The following TLE4 variants were observed in gnomAD, a reference collection of about 807,000 sequenced individuals.
The protein encoded by TLE4 is TLE family member 4, transcriptional corepressor, also known as transducin-like enhancer protein 4.
In TLE4, 8 loss-of-function variants were observed where a neutral mutation model predicts 92.8. That is an observed-to-expected ratio of 0.09 (90% CI 0.05 to 0.16). TLE4 has a LOEUF of 0.16. TLE4 is among the 10% of genes least tolerant of loss of function. The probability of loss-of-function intolerance (pLI) is 1.00; values close to 1 mark genes in which losing one functional copy is unlikely to be tolerated. For synonymous variants in TLE4, 371 were observed against 374.1 expected (o/e 0.99, Z 0.10); for missense variants, 675 against 997.6 (o/e 0.68, Z 4.36).
intron 4 of TLE4, among the ~76,000 whole-genome samples, chr9:79,587,719 T>C (rs567081556): frequency 4.6e-5 from 7 of 152,198 alleles, no homozygotes; most frequent in Non-Finnish European, 1.0e-4. Context: ...TGTTGCTTTT[T>C]TTGCAGTTGT....
intron 6 of TLE4, among the ~76,000 whole-genome samples, chr9:79,649,306 A>T (rs1479062904): frequency 6.6e-6 from 1 of 151,870 alleles, no homozygotes. Context: ...ACACACAACA[A>T]GGCAGTAGTT....
intron 8 of TLE4, among the ~76,000 whole-genome samples, chr9:79,662,727 C>T (rs147599372): frequency 3.0e-3 from 449 of 152,176 alleles, no homozygotes; most frequent in Admixed American, 6.7e-3. Flanking sequence ...TAAGGGGCCC[C>T]GGGTTCCTGT....
chr9:79,599,163 C>CGATGGG (rs2044894573), intron 4 of TLE4, among the ~76,000 whole-genome samples: 1 of 152,162 alleles, frequency 6.6e-6, no homozygotes, highest in African/African-American at 2.4e-5. Context: ...CATAACTTTC[C>CGATGGG]TAGGAATTGA....
chr9:79,641,917 AC>A (rs775866887), intron 6 of TLE4, among the ~76,000 whole-genome samples: 6 of 151,780 alleles, frequency 4.0e-5, no homozygotes, highest in Non-Finnish European at 7.4e-5. Flanking sequence ...TCATGAGTGT[AC>A]AGTGAAGTCT....
chr9:79,621,000 A>G (rs1038561758), intron 5 of TLE4, among the ~76,000 whole-genome samples: 1 of 152,200 alleles, frequency 6.6e-6, no homozygotes, highest in Non-Finnish European at 1.5e-5. Flanking sequence ...CCCATGACCC[A>G]GACACCTCCC....
intron 6 of TLE4, among the ~76,000 whole-genome samples, chr9:79,640,721 C>T (rs1355400976): frequency 1.3e-5 from 2 of 152,094 alleles, no homozygotes; most frequent in Admixed American, 6.6e-5. Context: ...CTGAAGTTAT[C>T]ATTCATTATT....
rs950291494 is a variant in TLE4 at position 79,718,445 on chromosome 9, C to G, written c.1341-277C>G. Among the ~76,000 whole-genome samples, 62 of 152,152 alleles carry G rather than the reference C, an allele frequency of 4.1e-4. 1 individual carries two copies. The highest frequency in any genetic ancestry group is 5.9e-5 in the Non-Finnish European group (4 of 68,022). On this transcript the variant is annotated intron_variant, in intron 14 of 19. Transcript: ENST00000376552. Reference sequence around the variant, plus strand: ...TGTGAGGTATAGGTAGTGTTCTCTTCATTTTAGAGACTAGAACTGCTGTTC... The same window carrying G: ...TGTGAGGTATAGGTAGTGTTCTCTTGATTTTAGAGACTAGAACTGCTGTTC...
chr9:79,718,071 G>A (rs1404519648), intron 14 of TLE4: 1 of 456,540 alleles, frequency 2.2e-6, no homozygotes. Flanking sequence ...GATACTCACA[G>A]GTAGGCCTTT....
intron 4 of TLE4, among the ~76,000 whole-genome samples, chr9:79,600,291 G>A (rs1048145152): frequency 6.6e-6 from 1 of 152,154 alleles, no homozygotes; most frequent in Admixed American, 6.5e-5. Flanking sequence ...AAAAGTGGAT[G>A]TGAGCCTGAT....
At position 79,708,593 on chromosome 9, in the gene TLE4, C is replaced by T. The variant is rs944346438; in HGVS notation, c.1070C>T (p.Ala357Val). The T allele has an allele frequency of 6.2e-7, 1 of 1,608,644 alleles. No homozygotes were observed. The highest frequency in any genetic ancestry group is 1.3e-5 in the African/African-American group (1 of 74,760). The change falls in exon 13 of 20, where the codon GCC becomes GTC. Residue 357 changes from alanine to valine, a missense_variant and splice_region_variant. By Grantham distance (64) the Ala-to-Val change is moderately conservative. Around this residue, in one of 5 missense-constraint regions of TLE4, gnomAD observed 280 missense variants for 287.3 expected, o/e 0.97. Transcript: ENST00000376552. ...TTCTTCCATCCATTTTGGTTTGCAG[C>T]CTCAAGCCTAAGGACCCCAATGGCA... ...PGKPPGVDPL[A>V]SSLRTPMAVP...
chr9:79,671,843 C>A (rs963034240), intron 8 of TLE4, among the ~76,000 whole-genome samples: 2 of 151,542 alleles, frequency 1.3e-5, no homozygotes, highest in African/African-American at 2.4e-5. Context: ...ATACTCCCAC[C>A]CCTACTCAAG....
chr9:79,572,872 C>T (rs2036197961), intron 1 of TLE4, 37 bp downstream of exon 1: 2 of 1,579,696 alleles, frequency 1.3e-6, no homozygotes, highest in Non-Finnish European at 8.6e-7. Flanking sequence ...TCGCCGGGTG[C>T]TGGGGGATTC....
At chr9:79,719,563 T>A (rs1320948217) in intron 15 of TLE4, among the ~76,000 whole-genome samples, 1 of 152,192 alleles carries the variant, frequency 6.6e-6, no homozygotes, top group East Asian at 1.9e-4. Flanking sequence ...AAATGCATGA[T>A]GCCCTTTAGT....
intron 14 of TLE4, among the ~76,000 whole-genome samples, chr9:79,717,462 T>TTCTTCTACAA (rs1278944017): frequency 6.6e-6 from 1 of 152,182 alleles, no homozygotes; most frequent in Non-Finnish European, 1.5e-5. Flanking sequence ...ACATACTATG[T>TTCTTCTACAA]TCTTCTACAA....
chr9:79,650,654 T>C (rs2058797597), intron 6 of TLE4, among the ~76,000 whole-genome samples: 1 of 152,154 alleles, frequency 6.6e-6, no homozygotes, highest in South Asian at 2.1e-4. Context: ...GCCACTTAAA[T>C]GAAGAGAATC....
intron 5 of TLE4, among the ~76,000 whole-genome samples, chr9:79,621,931 C>T (rs1348406345): frequency 6.6e-6 from 1 of 152,216 alleles, no homozygotes; most frequent in African/African-American, 2.4e-5. Flanking sequence ...TAGAATATTG[C>T]AGCCCTCTAA....
At chr9:79,592,147 TCTTTC>T (rs1386152720) in intron 4 of TLE4, among the ~76,000 whole-genome samples, 24 of 151,020 alleles carry the variant, frequency 1.6e-4, no homozygotes, top group Admixed American at 4.6e-4. Context: ...TCTTCTTTCT[TCTTTC>T]TTCTTCTTCT....
intron 14 of TLE4, among the ~76,000 whole-genome samples, chr9:79,714,207 A>G (rs1269231931): frequency 6.6e-6 from 1 of 152,148 alleles, no homozygotes; most frequent in East Asian, 1.9e-4. Flanking sequence ...CTTGCTACCA[A>G]GTTTATTTTA....
Position 79,652,703 on chromosome 9 carries a change from C to G in TLE4, c.501C>G (p.Ala167=). The change falls in exon 7 of 20, where the codon GCC becomes GCG. Residue 167 remains alanine, a synonymous_variant. Transcript: ENST00000376552. ...CCATTCCACCCATCGGTAGCAGTGC[C>G]GGGCTTCTGGCCCTCTCCAGTGCTC... ...PPAIPPIGSS[A]GLLALSSALG... The G allele has an allele frequency of 2.5e-6, 4 of 1,614,186 alleles. No homozygotes were observed. The highest frequency in any genetic ancestry group is 3.4e-6 in the Non-Finnish European group (4 of 1,180,030).
Sources: allele counts gnomAD v4.1 joint callset (sites outside exome capture counted in the v4.1 genomes callset), GRCh38; gene constraint gnomAD v4.1.1; regional missense constraint gnomAD v4.1.1; transcripts MANE v1.5; gene names NCBI Gene and HGNC (gene_info 2026-07-23, HGNC 2026-07-21).